Variants in PIGA observed in about 807,000 individuals in gnomAD.
The protein encoded by PIGA is phosphatidylinositol glycan anchor biosynthesis class A.
PIGA carries 3 observed loss-of-function variants against 17.1 expected under a neutral mutation model. The observed-to-expected ratio is 0.18, with a 90% confidence interval of 0.08 to 0.45. The LOEUF is 0.45. PIGA is among the 20% of genes least tolerant of loss of function. The pLI is 0.99. For synonymous variants in PIGA, 126 were observed against 135.1 expected, an observed-to-expected ratio of 0.93 and a Z score of 0.47; for missense variants, 231 against 374.1, an observed-to-expected ratio of 0.62 and a Z score of 3.16.
chrX:15,335,180 C>A (rs775052996), intron 1 of PIGA, among the ~76,000 whole-genome samples: 1 of 112,461 alleles, frequency 8.9e-6, no homozygotes, highest in African/African-American at 3.2e-5. Context: ...GCTCAGACAG[C>A]GACCCCGCTG....
At chrX:15,332,376 A>C (rs1922193041) in intron 1 of PIGA, among the ~76,000 whole-genome samples, 1 of 112,188 alleles carries the variant, frequency 8.9e-6, no homozygotes. Flanking sequence ...TTCTATTAAT[A>C]CTTATTAAAT....
At position 15,326,218 on chromosome X, in the gene PIGA, C is replaced by A. The variant is rs150526981; in HGVS notation, c.716-172G>T. 1.9e-3 allele frequency: 632 copies of A among 327,082 alleles called. 4 individuals carry two copies. Among genetic ancestry groups the A allele is most frequent in the African/African-American group, 0.016 (596 of 37,186 alleles). The allele number at this position is 327,082 out of a possible 1,213,427, so 27.0% of individuals were successfully genotyped here. On this transcript the variant is annotated intron_variant, in intron 2 of 5. Transcript: ENST00000333590. ...GAATTGTTTGCAAACTGGCAGTGGT[C>A]CCCCAAGAGTTACAATTCTTGAAGA...
chrX:15,333,040 G>A (rs966991085), intron 1 of PIGA, among the ~76,000 whole-genome samples: 29 of 111,895 alleles, frequency 2.6e-4, no homozygotes, highest in African/African-American at 8.8e-4. Context: ...ATCCAAACTC[G>A]GTTATACTGG....
intron 1 of PIGA, among the ~76,000 whole-genome samples, chrX:15,334,043 A>C (rs1213633223): frequency 9.0e-6 from 1 of 111,269 alleles, no homozygotes; most frequent in Non-Finnish European, 1.9e-5. Context: ...TGAGATTTCC[A>C]AGGCTCCAGA....
rs1294623897 is a variant in PIGA at position 15,321,927 on chromosome X, T to C, written c.1189-155A>G. On this transcript the variant is annotated intron_variant, in intron 5 of 5. Transcript: ENST00000333590. ...TGTTGTTGTCATAGTAATGATATCC[T>C]TAATGAACTTAATCACGATAATTAT... 4.5e-5 allele frequency among the ~76,000 whole-genome samples: 5 copies of C among 112,166 alleles called. No homozygotes were observed. The Admixed American group carries it at 4.8e-4, about 11-fold the overall frequency.
chrX:15,334,771 G>A (rs1324128050), intron 1 of PIGA, among the ~76,000 whole-genome samples: 2 of 111,884 alleles, frequency 1.8e-5, no homozygotes, highest in Non-Finnish European at 3.8e-5. Flanking sequence ...GCCCACTTCC[G>A]CCAGGTTTTC....
intron 5 of PIGA, among the ~76,000 whole-genome samples, chrX:15,323,142 C>CA (rs751544968): frequency 9.0e-6 from 1 of 111,229 alleles, no homozygotes; most frequent in African/African-American, 3.3e-5. Flanking sequence ...ATGTGGTTAC[C>CA]AAAAAAATCC....
intron 2 of PIGA, among the ~76,000 whole-genome samples, chrX:15,330,382 G>A (rs1360198058): frequency 2.7e-5 from 3 of 111,899 alleles, no homozygotes; most frequent in South Asian, 3.7e-4. Context: ...ATACAGTAAC[G>A]TGCAGAGCAA....
intron 1 of PIGA, among the ~76,000 whole-genome samples, chrX:15,332,660 T>A (rs945222802): frequency 2.7e-5 from 3 of 112,160 alleles, no homozygotes; most frequent in Non-Finnish European, 5.6e-5. Context: ...GTAGTGAAAG[T>A]GATGTGCAAA....
chrX:15,326,094 A>G (rs749653128), intron 2 of PIGA, 48 bp from the exon 3 acceptor site: 22 of 898,838 alleles, frequency 2.4e-5, no homozygotes, highest in Non-Finnish European at 3.4e-5. Flanking sequence ...TTAAACTTAA[A>G]AAAATTCACC....
chrX:15,325,458 AT>A (rs1195063721), intron 3 of PIGA: 1 of 165,895 alleles, frequency 6.0e-6, no homozygotes, highest in Non-Finnish European at 1.1e-5. Flanking sequence ...TTAAAGTGCC[AT>A]TTGTAAACAG....
intron 1 of PIGA, 109 bp from the exon 2 acceptor site, chrX:15,332,101 C>G (rs1922185761): frequency 2.0e-6 from 1 of 506,338 alleles, no homozygotes; most frequent in East Asian, 4.0e-5. Context: ...TAGCTTTCCC[C>G]AGAATTAAAA....
chrX:15,326,222 C>A, intron 2 of PIGA, 176 bp from the exon 3 acceptor site: 1 of 324,531 alleles, frequency 3.1e-6, no homozygotes, highest in Non-Finnish European at 5.4e-6. Context: ...AGTGGTCCCC[C>A]AAGAGTTACA....
At position 15,335,420 on chromosome X, in the gene PIGA, G is replaced by A. The variant is rs1444439293; in HGVS notation, c.-63+81C>T. ...GTCGGTTTCACCCCCTCCACCACCC[G>A]CCACGATCCCACGCGCGCAGAACAG... On this transcript the variant is annotated intron_variant, in intron 1 of 5. Transcript: ENST00000333590. The A allele has an allele frequency of 5.5e-6, 5 of 911,274 alleles. No homozygotes were observed. The East Asian group carries it at 1.7e-4, about 30-fold the overall frequency. 75.1% of individuals were successfully genotyped at this position (911,274 alleles called of 1,213,427 possible).
chrX:15,328,709 T>C (rs1412698416), intron 2 of PIGA: 1 of 111,862 alleles, frequency 8.9e-6, no homozygotes, highest in African/African-American at 3.3e-5. Flanking sequence ...GGAAAGGCCA[T>C]ACCATCACTC....
intron 2 of PIGA, chrX:15,328,640 G>C (rs1922058492): frequency 8.9e-6 from 1 of 111,866 alleles, no homozygotes; most frequent in Non-Finnish European, 1.9e-5. Flanking sequence ...CTTTCTGCAG[G>C]GTGCCTGGCA....
chrX:15,332,705 T>C (rs182297451), intron 1 of PIGA, among the ~76,000 whole-genome samples: 44 of 112,339 alleles, frequency 3.9e-4, no homozygotes, highest in African/African-American at 1.4e-3. Context: ...TGTGGTGATT[T>C]CCAAGGTGTG....
intron 1 of PIGA, among the ~76,000 whole-genome samples, chrX:15,334,485 C>G (rs1922271769): frequency 9.0e-6 from 1 of 110,871 alleles, no homozygotes; most frequent in East Asian, 2.8e-4. Context: ...CCACCGTGCC[C>G]GGCCTCATCT....
At chrX:15,333,829 C>T (rs1373288985) in intron 1 of PIGA, among the ~76,000 whole-genome samples, 1 of 112,377 alleles carries the variant, frequency 8.9e-6, no homozygotes, top group Non-Finnish European at 1.9e-5. Flanking sequence ...AGTGCGGTGT[C>T]TAAAGATAAA....
Sources: allele counts gnomAD v4.1 joint callset (sites outside exome capture counted in the v4.1 genomes callset), GRCh38; gene constraint gnomAD v4.1.1; transcripts MANE v1.5; gene names NCBI Gene and HGNC (gene_info 2026-07-23, HGNC 2026-07-21).